CEP112: variants seen among roughly 807,000 people sequenced by gnomAD.
CEP112 encodes centrosomal protein of 112 kDa.
Under a neutral mutation model 153.0 loss-of-function variants are expected in CEP112, and 127 were observed. The observed-to-expected ratio is 0.83, with a 90% CI of 0.72 to 0.96. The LOEUF (loss-of-function observed/expected upper bound fraction) is 0.96, where lower values mean the gene tolerates loss of function less well. CEP112 is among the 40% of genes least tolerant of loss of function. CEP112 has a pLI of 0.00. For synonymous variants in CEP112, 358 were observed against 374.4 expected (o/e 0.96, Z 0.51); for missense variants, 1,089 against 1,101.2 (o/e 0.99, Z 0.16).
intron 21 of CEP112, among the ~76,000 whole-genome samples, chr17:65,769,234 C>A (rs1224494853): frequency 1.3e-5 from 2 of 151,810 alleles, no homozygotes; most frequent in African/African-American, 4.8e-5. Context: ...GACCTGTACA[C>A]TGAAAACTAT....
At chr17:65,922,864 T>C (rs948688350) in intron 19 of CEP112, among the ~76,000 whole-genome samples, 2 of 152,188 alleles carry the variant, frequency 1.3e-5, no homozygotes, top group Admixed American at 6.5e-5. Flanking sequence ...CCTTCCTTAA[T>C]ATTTTTATTT....
intron 18 of CEP112, among the ~76,000 whole-genome samples, chr17:65,949,017 T>C (rs913859297): frequency 5.3e-5 from 8 of 151,916 alleles, no homozygotes; most frequent in African/African-American, 1.5e-4. Context: ...CTTAAAAATA[T>C]AGACTATGGA....
At chr17:65,699,350 C>CA (rs1280110707) in intron 23 of CEP112, among the ~76,000 whole-genome samples, 9 of 152,158 alleles carry the variant, frequency 5.9e-5, no homozygotes, top group African/African-American at 2.2e-4. Flanking sequence ...TTAAAATTCT[C>CA]AGATTTTTTT....
chr17:65,729,142 C>G (rs529797656), intron 23 of CEP112, among the ~76,000 whole-genome samples: 1 of 152,034 alleles, frequency 6.6e-6, no homozygotes, highest in Non-Finnish European at 1.5e-5. Flanking sequence ...ATTCCATAAG[C>G]TTTCTTCTAT....
At chr17:65,982,117 G>A (rs1030229958) in intron 17 of CEP112, among the ~76,000 whole-genome samples, 42 of 151,920 alleles carry the variant, frequency 2.8e-4, no homozygotes, top group Admixed American at 1.3e-4. Context: ...TGGAGTATAT[G>A]GAATATTTTA....
chr17:65,954,681 T>C (rs2061947028), intron 18 of CEP112, among the ~76,000 whole-genome samples: 1 of 152,034 alleles, frequency 6.6e-6, no homozygotes, highest in African/African-American at 2.4e-5. Context: ...TCATAATGTC[T>C]GGAAATCAAG....
At chr17:66,032,297 G>A (rs1212182909) in intron 12 of CEP112, among the ~76,000 whole-genome samples, 1 of 151,470 alleles carries the variant, frequency 6.6e-6, no homozygotes, top group Middle Eastern at 3.2e-3. Context: ...CACTGCACCT[G>A]GCCAAATTTG....
intron 19 of CEP112, 57 bp downstream of exon 19, chr17:65,927,525 G>T: frequency 1.1e-6 from 1 of 938,844 alleles, no homozygotes; most frequent in Non-Finnish European, 1.7e-6. Flanking sequence ...ATTTTTAAAA[G>T]ATAAATCATA....
At chr17:65,673,008 C>T (rs780041262) in intron 24 of CEP112, among the ~76,000 whole-genome samples, 3 of 152,128 alleles carry the variant, frequency 2.0e-5, no homozygotes, top group Non-Finnish European at 4.4e-5. Flanking sequence ...GATTTATTCC[C>T]TCACAGTTTT....
intron 19 of CEP112, among the ~76,000 whole-genome samples, chr17:65,924,439 G>GT (rs1228367957): frequency 6.6e-6 from 1 of 151,966 alleles, no homozygotes; most frequent in Non-Finnish European, 1.5e-5. Context: ...ATATGAATTA[G>GT]TTTTTTTGGA....
intron 9 of CEP112, 114 bp downstream of exon 9, chr17:66,069,801 C>A (rs2067245470): frequency 1.7e-6 from 1 of 605,972 alleles, no homozygotes; most frequent in East Asian, 2.9e-5. Flanking sequence ...TCATAAAGTA[C>A]ATAAATAAGT....
chr17:65,661,938 G>A (rs2046407141), intron 24 of CEP112: 1 of 141,668 alleles, frequency 7.1e-6, no homozygotes, highest in South Asian at 2.3e-4. Flanking sequence ...ATATATGTGT[G>A]TGTGTGTGTG....
intron 23 of CEP112, among the ~76,000 whole-genome samples, chr17:65,701,448 G>T (rs571247852): frequency 6.6e-6 from 1 of 152,310 alleles, no homozygotes; most frequent in Non-Finnish European, 1.5e-5. Context: ...TGTCAAAAAA[G>T]AAATCATGGA....
At chr17:65,884,243 G>C (rs2059190969) in intron 20 of CEP112, among the ~76,000 whole-genome samples, 1 of 152,230 alleles carries the variant, frequency 6.6e-6, no homozygotes, top group Admixed American at 6.5e-5. Context: ...AGAAGTAGAA[G>C]TGGAAGAAGC....
intron 21 of CEP112, among the ~76,000 whole-genome samples, chr17:65,804,923 G>A (rs903273169): frequency 9.2e-5 from 14 of 151,474 alleles, no homozygotes; most frequent in Non-Finnish European, 1.5e-4. Flanking sequence ...ATGCAGTGGT[G>A]TCTCAACCTC....
At chr17:65,971,627 T>G (rs541351085) in intron 17 of CEP112, among the ~76,000 whole-genome samples, 2 of 151,844 alleles carry the variant, frequency 1.3e-5, no homozygotes, top group African/African-American at 4.8e-5. Flanking sequence ...GTATATCCCA[T>G]GCATATTGCG....
At chr17:65,865,359 T>C (rs1470492188) in intron 20 of CEP112, among the ~76,000 whole-genome samples, 1 of 152,140 alleles carries the variant, frequency 6.6e-6, no homozygotes, top group Non-Finnish European at 1.5e-5. Flanking sequence ...ACTGTTGCAG[T>C]TGGTGTGCAT....
intron 21 of CEP112, among the ~76,000 whole-genome samples, chr17:65,807,507 C>A (rs1456875516): frequency 6.6e-6 from 1 of 152,096 alleles, no homozygotes; most frequent in Non-Finnish European, 1.5e-5. Context: ...ATGTTAAAGA[C>A]CTTTGTGGCA....
intron 18 of CEP112, among the ~76,000 whole-genome samples, chr17:65,943,508 CTTTTCT>C (rs2061562942): frequency 6.6e-6 from 1 of 152,044 alleles, no homozygotes; most frequent in Non-Finnish European, 1.5e-5. Flanking sequence ...GTTGGAAATT[CTTTTCT>C]TTAAGAATGT....
Sources: allele counts gnomAD v4.1 joint callset (sites outside exome capture counted in the v4.1 genomes callset), GRCh38; gene constraint gnomAD v4.1.1; transcripts MANE v1.5; gene names NCBI Gene and HGNC (gene_info 2026-07-23, HGNC 2026-07-21).